The following BRD1 variants were observed in gnomAD, a reference collection of about 807,000 sequenced individuals.
BRD1 encodes bromodomain-containing protein 1.
BRD1 carries 24 observed loss-of-function variants against 107.7 expected under a neutral mutation model. The ratio of observed to expected loss-of-function variants is 0.22; its 90% confidence interval spans 0.16 to 0.31. BRD1 has a LOEUF of 0.31. BRD1 is among the 10% of genes least tolerant of loss of function. The pLI is 1.00. For missense variants in BRD1, 1,279 were observed against 1,638.6 expected (o/e 0.78, Z 3.79); for synonymous variants, 744 against 686.1 (o/e 1.08, Z -1.32).
chr22:49,786,786 T>G (rs902870672), intron 8 of BRD1, among the ~76,000 whole-genome samples: 2 of 152,150 alleles, frequency 1.3e-5, no homozygotes, highest in African/African-American at 4.8e-5. Context: ...CAATTAAAAC[T>G]ACACCTGAAT....
chr22:49,812,153 G>C (rs1360120874), intron 2 of BRD1, among the ~76,000 whole-genome samples: 1 of 147,440 alleles, frequency 6.8e-6, no homozygotes, highest in African/African-American at 2.5e-5. Context: ...ACCCAGGCTG[G>C]AGTGCAATGG....
chr22:49,783,199 T>A lies in BRD1; in HGVS notation c.2857+4191A>T, dbSNP rs924537710. On this transcript the variant is annotated intron_variant, in intron 8 of 12. Transcript: ENST00000404760. The surrounding 1 kb of genome is among the most constrained non-coding windows in gnomAD (Gnocchi z 4.2). ...AGACCCAAGGCCCAGGACAGACGCC[T>A]GCACAAGATCCCACGCACAGATGCC... 2.6e-5 allele frequency among the ~76,000 whole-genome samples: 4 copies of A among 152,266 alleles called. No homozygotes were observed. The highest frequency in any genetic ancestry group is 9.6e-5 in the African/African-American group (4 of 41,464).
Position 49,787,002 on chromosome 22 carries a change from G to A in BRD1, c.2857+388C>T, listed in dbSNP as rs141465621. On this transcript the variant is annotated intron_variant, in intron 8 of 12. Transcript: ENST00000404760. The stretch of plus-strand genomic sequence containing the variant: ...CCAGCTACACAAGAGGCTGAGGCAG[G>A]AGGATCACCTGAGCCCAGGAGTTGG... Among the ~76,000 whole-genome samples the A allele has an allele frequency of 9.1e-3, 1,390 of 152,158 alleles. 26 individuals are homozygous for A. Among genetic ancestry groups the A allele is most frequent in the African/African-American group, 0.032 (1,343 of 41,472 alleles).
In BRD1 at chr22:49,803,231, C is replaced by G. The variant is rs940637084; in HGVS notation, c.1524+973G>C. 6.6e-6 allele frequency among the ~76,000 whole-genome samples: 1 copy of G among 151,256 alleles called. No individual in the cohort carries two copies. Among genetic ancestry groups the G allele is most frequent in the Non-Finnish European group, 1.5e-5 (1 of 68,030 alleles). ...AGAGTCTGCGAGGCAGAGACAGCAC[C>G]GGCCACCGCACCACCGCACGGGGAC... On this transcript the variant is annotated intron_variant, in intron 3 of 12. Coordinates refer to ENST00000404760, the MANE Select transcript of BRD1 (RefSeq NM_001304808.3). The surrounding 1 kb of genome is among the most constrained non-coding windows in gnomAD (Gnocchi z 4.4).
At chr22:49,804,057 A>C in intron 3 of BRD1, 147 bp downstream of exon 3, 1 of 611,704 alleles carries the variant, frequency 1.6e-6, no homozygotes, top group Non-Finnish European at 2.6e-6. Flanking sequence ...CTCCTCCTAC[A>C]GCTCCAGGGC....
At chr22:49,816,566 T>C (rs530520050) in intron 2 of BRD1, among the ~76,000 whole-genome samples, 1 of 152,314 alleles carries the variant, frequency 6.6e-6, no homozygotes, top group South Asian at 2.1e-4. Flanking sequence ...GACATCTTTA[T>C]TCCAGAGTCA....
chr22:49,787,915 T>C, intron 7 of BRD1, 28 bp from the exon 8 acceptor site: 2 of 1,469,934 alleles, frequency 1.4e-6, no homozygotes, highest in Non-Finnish European at 1.8e-6. Context: ...AAAGTGATTT[T>C]TGAAAACTGA....
intron 7 of BRD1, among the ~76,000 whole-genome samples, chr22:49,791,747 C>T (rs2059439091): frequency 6.6e-6 from 1 of 151,882 alleles, no homozygotes; most frequent in South Asian, 2.1e-4. Flanking sequence ...CTCCAGAGAC[C>T]CCCAACTTCT....
At chr22:49,808,445 C>A (rs760745213) in intron 2 of BRD1, among the ~76,000 whole-genome samples, 1 of 152,262 alleles carries the variant, frequency 6.6e-6, no homozygotes, top group Middle Eastern at 3.4e-3. Flanking sequence ...TGCCTGATTG[C>A]GCTTATGTGA....
At position 49,819,581 on chromosome 22, in the gene BRD1, G is replaced by T. The variant is rs139717196; in HGVS notation, c.1367+3370C>A. Among the ~76,000 whole-genome samples, 1,387 of 152,114 alleles carry T rather than the reference G, an allele frequency of 9.1e-3. 25 individuals are homozygous for T. Among genetic ancestry groups the T allele is most frequent in the African/African-American group, 0.032 (1,343 of 41,504 alleles). On this transcript the variant is annotated intron_variant, in intron 2 of 12. Transcript: ENST00000404760. ...TTCTCCTGCCTCAGCCTCCTGAATAGCTGGGATTACAGGCGCGCACCACCA... is the reference window on the plus strand; with the variant it reads ...TTCTCCTGCCTCAGCCTCCTGAATATCTGGGATTACAGGCGCGCACCACCA...
rs560601166 is a variant in BRD1, at chr22:49,813,258, T to C, written c.1368-8898A>G. ...GTTTTTTTGAGATGGAGTCTCGCTC[T>C]GTCGCTAGGCTGGAGTGCAGTGGCA... On this transcript the variant is annotated intron_variant, in intron 2 of 12. Coordinates refer to ENST00000404760, the MANE Select transcript of BRD1 (RefSeq NM_001304808.3). Among the ~76,000 whole-genome samples the C allele has an allele frequency of 3.3e-5, 5 of 152,220 alleles. No homozygotes were observed. The South Asian group carries it at 1.0e-3, about 32-fold the overall frequency.
At position 49,798,050 on chromosome 22, in the gene BRD1, G is replaced by A; in HGVS notation, c.1853C>T (p.Ala618Val). Residue 618 changes from alanine (A) to valine (V), a missense_variant, in exon 6 of 13, where the codon GCT (alanine) becomes GTT (valine). By Grantham distance (64) the Ala-to-Val change is moderately conservative. Transcript: ENST00000404760. ...CTCATGGAGGTTTTTATACCCTTGA[G>A]CTTCTAACCGTTTCCTCATTGTGGC... is the stretch of plus-strand genomic sequence containing the variant. ...DFATMRKRLE[A>V]QGYKNLHEFE... 6.2e-7 allele frequency: 1 copy of A among 1,614,132 alleles called. No individual in the cohort carries two copies.
intron 2 of BRD1, among the ~76,000 whole-genome samples, chr22:49,816,761 C>A (rs777068255): frequency 6.6e-5 from 10 of 152,220 alleles, no homozygotes; most frequent in Non-Finnish European, 1.3e-4. Flanking sequence ...CAGGTGGCCT[C>A]CAACACTGCA....
intron 2 of BRD1, among the ~76,000 whole-genome samples, chr22:49,804,838 G>A (rs1435186938): frequency 2.6e-5 from 4 of 151,934 alleles, no homozygotes; most frequent in African/African-American, 4.8e-5. Context: ...GTGACAGAGC[G>A]AGATTCTGAC....
chr22:49,789,493 C>CT (rs1259484810), intron 7 of BRD1, among the ~76,000 whole-genome samples: 1 of 150,442 alleles, frequency 6.6e-6, no homozygotes, highest in Non-Finnish European at 1.5e-5. Context: ...CCTAGCCTCC[C>CT]CCCCCCGCCC....
In BRD1 at chr22:49,824,741, C is replaced by T; in HGVS notation, c.-14-410G>A. 5 of 1,045,896 alleles carry T rather than the reference C, an allele frequency of 4.8e-6. No homozygotes were observed. The highest frequency in any genetic ancestry group is 5.8e-6 in the Non-Finnish European group (5 of 865,796). The allele number at this position is 1,045,896 out of a possible 1,614,324, so 64.8% of individuals were successfully genotyped here. A position where few individuals can be genotyped will look rare whatever the true frequency, so the allele number is the denominator to read the frequency against. ...GAAGTCCACATACAGGGCTGGACCC[C>T]ACCAGGCACAGAGGCTATGCCCACC... On this transcript the variant is annotated intron_variant, in intron 1 of 12. Transcript: ENST00000404760. This position sits in a 1 kb window ranked among gnomAD's most constrained non-coding sequence, Gnocchi z 5.9.
intron 2 of BRD1, among the ~76,000 whole-genome samples, chr22:49,804,816 A>G (rs1601692708): frequency 6.6e-6 from 1 of 152,248 alleles, no homozygotes; most frequent in Non-Finnish European, 1.5e-5. Context: ...GCACCACTGC[A>G]CTCCAGCCTG....
intron 2 of BRD1, chr22:49,818,293 G>T: frequency 7.8e-7 from 1 of 1,279,068 alleles, no homozygotes. Context: ...TAGAAGATCT[G>T]AAGCAGTCAA....
At chr22:49,820,362 G>A (rs953784587) in intron 2 of BRD1, among the ~76,000 whole-genome samples, 2 of 151,974 alleles carry the variant, frequency 1.3e-5, no homozygotes, top group African/African-American at 4.8e-5. Flanking sequence ...GCTCTAGGTG[G>A]GTCCTACACC....
Sources: gnomAD v4.1 joint callset for allele counts (sites outside exome capture counted in the v4.1 genomes callset) on GRCh38, gnomAD v4.1.1 for gene constraint, Gnocchi (gnomAD v3.1) non-coding constraint, MANE v1.5 for transcripts, NCBI Gene and HGNC (gene_info 2026-07-23, HGNC 2026-07-21) for gene names.